Variants in KDM6B observed in about 807,000 individuals in gnomAD.
KDM6B encodes lysine demethylase 6B.
KDM6B carries 22 observed loss-of-function variants against 150.4 expected under a neutral mutation model. The ratio of observed to expected loss-of-function variants is 0.15; its 90% CI spans 0.10 to 0.21. KDM6B has a LOEUF of 0.21. Among genes scored for constraint, KDM6B ranks in the 10% least tolerant of loss-of-function variants. The pLI is 1.00. For synonymous variants in KDM6B, 1,148 were observed against 921.1 expected, an observed-to-expected ratio of 1.25 and a Z score of -4.46; for missense variants, 1,984 against 2,234.3, an observed-to-expected ratio of 0.89 and a Z score of 2.26.
Position 7,843,543 on chromosome 17 carries a change from G to C in KDM6B, c.-268-1358G>C, listed in dbSNP as rs530605587. Among the ~76,000 whole-genome samples the C allele has an allele frequency of 6.6e-6, 1 of 152,182 alleles. No individual in the cohort carries two copies. The highest frequency in any genetic ancestry group is 2.4e-5 in the African/African-American group (1 of 41,438). ...GGAAGGCTCTTTTCACCAGAAACCCGTCTGCCCTTGTGGGCTGGGTGGAAA... is the reference window on the plus strand; with the variant it reads ...GGAAGGCTCTTTTCACCAGAAACCCCTCTGCCCTTGTGGGCTGGGTGGAAA... On this transcript the variant is annotated intron_variant, in intron 2 of 23. Transcript: ENST00000448097. The surrounding 1 kb of genome is among the most constrained non-coding windows in gnomAD (Gnocchi z 4.5).
intron 1 of KDM6B, among the ~76,000 whole-genome samples, chr17:7,836,485 G>T (rs2078335289): frequency 6.6e-6 from 1 of 152,202 alleles, no homozygotes; most frequent in South Asian, 2.1e-4. Flanking sequence ...CTGGGGCACG[G>T]GGGATCCTGC....
Position 7,848,954 on chromosome 17 carries a change from T to C in KDM6B, c.2666T>C (p.Val889Ala). ...GAGCGCAGGGCGGGCGAAGAGCCAG[T>C]CCCGGGCCCCATGACCCCCACCCAA... ...ARERRAGEEP[V>A]PGPMTPTQPP... The change falls in exon 12 of 24, where the codon GTC (valine) becomes GCC (alanine). Residue 889 changes from valine to alanine, a missense_variant. Val to Ala is a moderately conservative substitution (Grantham distance 64). Around this residue, in one of 13 missense-constraint regions of KDM6B, gnomAD observed 1,379 missense variants for 1,275.6 expected, o/e 1.08. Coordinates refer to ENST00000448097, the MANE Select transcript of KDM6B (RefSeq NM_001348716.2). The C allele has an allele frequency of 6.3e-7, 1 of 1,583,988 alleles. No individual in the cohort carries two copies.
In KDM6B at chr17:7,848,994, A is replaced by T; in HGVS notation, c.2706A>T (p.Leu902=). The T allele has an allele frequency of 6.5e-7, 1 of 1,544,444 alleles. No homozygotes were observed. Among genetic ancestry groups the T allele is most frequent in the Admixed American group, 1.8e-5 (1 of 56,334 alleles). ...CCCCCACCCAACCGCCCCCACCCCT[A>T]TCTCTGCCCCCTGCTCGCTCTGAGT... ...PMTPTQPPPP[L]SLPPARSESE... The change falls in exon 12 of 24, where the codon CTA becomes CTT. Residue 902 remains leucine (L), a synonymous_variant. Transcript: ENST00000448097.
At position 7,848,632 on chromosome 17, in the gene KDM6B, G is replaced by A. The variant is rs145963593; in HGVS notation, c.2344G>A (p.Ala782Thr). Residue 782 changes from alanine (A) to threonine (T), a missense_variant, in exon 12 of 24, where the codon GCC becomes ACC. Coordinates refer to ENST00000448097, the MANE Select transcript of KDM6B (RefSeq NM_001348716.2). ...PPALPPPPPLAKFPPPSQPQP... is the reference protein window; with the variant it reads ...PPALPPPPPLTKFPPPSQPQP... ...AGCCCTACCACCACCACCGCCTCTA[G>A]CCAAGTTCCCTCCACCCTCTCAGCC... The A allele has an allele frequency of 6.3e-6, 10 of 1,598,580 alleles. 1 individual carries two copies. In the South Asian group the frequency reaches 1.1e-4, roughly 18 times the overall value.
intron 22 of KDM6B, 38 bp downstream of exon 22, chr17:7,853,164 A>C: frequency 6.2e-7 from 1 of 1,613,982 alleles, no homozygotes; most frequent in Middle Eastern, 1.7e-4. Context: ...CTGAGTGTCC[A>C]CAGTGGCCCT....
chr17:7,853,490 C>A lies in KDM6B; in HGVS notation c.4909-8C>A, dbSNP rs1031432600. The A allele has an allele frequency of 1.1e-5, 17 of 1,501,100 alleles. No homozygotes were observed. Among genetic ancestry groups the A allele is most frequent in the African/African-American group, 4.2e-5 (3 of 70,652 alleles). The allele number at this position is 1,501,100 out of a possible 1,614,324, so 93.0% of individuals were successfully genotyped here. A position where few individuals can be genotyped will look rare whatever the true frequency, so the allele number is the denominator to read the frequency against. The stretch of plus-strand genomic sequence containing the variant: ...TTCCCTGAGCCCCCGCCGGCTTTCT[C>A]CCCCCAGGCCCCAGCCAGCACGTCG... On this transcript the variant is annotated splice_region_variant and splice_polypyrimidine_tract_variant and intron_variant, in intron 23 of 23. Transcript: ENST00000448097.
chr17:7,853,481 C>A lies in KDM6B; in HGVS notation c.4909-17C>A. Reference sequence around the variant, plus strand: ...GCCGCGCCTTTCCCTGAGCCCCCGCCGGCTTTCTCCCCCCAGGCCCCAGCC... The same window carrying A: ...GCCGCGCCTTTCCCTGAGCCCCCGCAGGCTTTCTCCCCCCAGGCCCCAGCC... On this transcript the variant is annotated splice_polypyrimidine_tract_variant and intron_variant, in intron 23 of 23. Transcript: ENST00000448097. 1 of 1,503,614 alleles carries A rather than the reference C, an allele frequency of 6.7e-7. No homozygotes were observed. Among genetic ancestry groups the A allele is most frequent in the South Asian group, 1.3e-5 (1 of 79,454 alleles). 93.1% of individuals were successfully genotyped at this position (1,503,614 alleles called of 1,614,324 possible). A position where few individuals can be genotyped will look rare whatever the true frequency, so the allele number is the denominator to read the frequency against.
intron 14 of KDM6B, among the ~76,000 whole-genome samples, chr17:7,850,440 C>T (rs1427702060): frequency 1.3e-5 from 2 of 152,104 alleles, no homozygotes; most frequent in Non-Finnish European, 2.9e-5. Flanking sequence ...TTTAGAAAAC[C>T]CCTGAAAATC....
chr17:7,838,107 C>G (rs912234568), intron 1 of KDM6B, among the ~76,000 whole-genome samples: 1 of 150,164 alleles, frequency 6.7e-6, no homozygotes, highest in Non-Finnish European at 1.5e-5. Context: ...CCCCAGCCCC[C>G]TCCCGTGTTG....
At position 7,848,200 on chromosome 17, in the gene KDM6B, C is replaced by T; in HGVS notation, c.1912C>T (p.Pro638Ser). The change falls in exon 12 of 24, where the codon CCC becomes TCC. Residue 638 changes from proline (P) to serine (S), a missense_variant. By Grantham distance (74) the Pro-to-Ser change is moderately conservative (BLOSUM62 -1). This residue lies in a region of KDM6B where 1,379 missense variants were observed against 1,275.6 expected (regional missense o/e 1.08). Coordinates refer to ENST00000448097, the MANE Select transcript of KDM6B (RefSeq NM_001348716.2). ...PRPRVSFPKT[P>S]EVGPGPPPGP... ...GCCCAGGGTCTCCTTCCCAAAGACC[C>T]CCGAGGTGGGGCCGGGGCCACCCCC... The T allele has an allele frequency of 6.2e-7, 1 of 1,611,746 alleles. No homozygotes were observed. Among genetic ancestry groups the T allele is most frequent in the East Asian group, 2.2e-5 (1 of 44,816 alleles).
rs1249106069 is a variant in KDM6B at position 7,853,627 on chromosome 17, G to A, written c.*106G>A. 3 of 825,808 alleles carry A rather than the reference G, an allele frequency of 3.6e-6. No individual in the cohort carries two copies. Among genetic ancestry groups the A allele is most frequent in the African/African-American group, 1.8e-5 (1 of 54,702 alleles). The allele number at this position is 825,808 out of a possible 1,614,324, so 51.2% of individuals were successfully genotyped here. A position where few individuals can be genotyped will look rare whatever the true frequency, so the allele number is the denominator to read the frequency against. On this transcript the variant is annotated 3_prime_UTR_variant, in exon 24 of 24. Coordinates refer to ENST00000448097, the MANE Select transcript of KDM6B (RefSeq NM_001348716.2). ...CGCCTGTGGCCGAGAAGGGGGTCGG[G>A]CCCAGCCCTTCCACCCCATTGGCAG... is the stretch of plus-strand genomic sequence containing the variant.
At chr17:7,834,621 C>T (rs2078293702) in intron 1 of KDM6B, among the ~76,000 whole-genome samples, 1 of 133,618 alleles carries the variant, frequency 7.5e-6, no homozygotes, top group Non-Finnish European at 1.7e-5. Context: ...GATTCCCCTT[C>T]CCGACTCCAG....
intron 1 of KDM6B, among the ~76,000 whole-genome samples, chr17:7,834,651 C>T (rs867143917): frequency 7.1e-6 from 1 of 140,536 alleles, no homozygotes; most frequent in African/African-American, 2.5e-5. Flanking sequence ...GGGCGGGGCG[C>T]GGCGGTCCTT....
Position 7,849,044 on chromosome 17 carries a change from G to A in KDM6B, c.2756G>A (p.Arg919Gln), listed in dbSNP as rs750620032. Reference protein sequence around the residue: ...SESEVLEEISRACETLVERVG... With the variant: ...SESEVLEEISQACETLVERVG... Reference sequence around the variant, plus strand: ...TCTGAGGTGCTAGAAGAGATCAGCCGGGCTTGCGAGACCCTTGTGGAGCGG... The same window carrying A: ...TCTGAGGTGCTAGAAGAGATCAGCCAGGCTTGCGAGACCCTTGTGGAGCGG... The change falls in exon 12 of 24, where the codon CGG (arginine) becomes CAG (glutamine). Residue 919 changes from arginine (R) to glutamine (Q), a missense_variant. By Grantham distance (43) the Arg-to-Gln change is conservative. Around this residue, in one of 13 missense-constraint regions of KDM6B, gnomAD observed 1,379 missense variants for 1,275.6 expected, o/e 1.08. Coordinates refer to ENST00000448097, the MANE Select transcript of KDM6B (RefSeq NM_001348716.2). The A allele has an allele frequency of 1.9e-5, 29 of 1,521,060 alleles. No individual in the cohort carries two copies. The highest frequency in any genetic ancestry group is 3.5e-5 in the Admixed American group (2 of 56,564). The allele number at this position is 1,521,060 out of a possible 1,614,324, so 94.2% of individuals were successfully genotyped here. A position where few individuals can be genotyped will look rare whatever the true frequency, so the allele number is the denominator to read the frequency against.
rs756445207 is a variant in KDM6B at position 7,849,605 on chromosome 17, G to A, written c.3317G>A (p.Arg1106Gln). Residue 1106 changes from arginine (R) to glutamine (Q), a missense_variant, in exon 12 of 24, where the codon CGG (arginine) becomes CAG (glutamine). Physicochemically the swap from Arg to Gln is conservative, Grantham distance 43. Coordinates refer to ENST00000448097, the MANE Select transcript of KDM6B (RefSeq NM_001348716.2). ...GGGCCCCCCAAGGAGCTGAAGATCC[G>A]GCTCATCAAGGTAGAGAGTGGTGAC... ...SEGPPKELKI[R>Q]LIKVESGDKE... 6.2e-6 allele frequency: 10 copies of A among 1,612,242 alleles called. No individual in the cohort carries two copies. The highest frequency in any genetic ancestry group is 2.2e-5 in the East Asian group (1 of 44,884).
chr17:7,851,937 G>T lies in KDM6B; in HGVS notation c.4166-14G>T, dbSNP rs373904350. 9 of 1,612,710 alleles carry T rather than the reference G, an allele frequency of 5.6e-6. No homozygotes were observed. Among genetic ancestry groups the T allele is most frequent in the African/African-American group, 5.3e-5 (4 of 74,910 alleles). On this transcript the variant is annotated splice_polypyrimidine_tract_variant and intron_variant, in intron 18 of 23. Coordinates refer to ENST00000448097, the MANE Select transcript of KDM6B (RefSeq NM_001348716.2). ...GACCTGGCCAGCCATGCCGTTCTCTGTCGACCCCTGCAGGCCACCAGGAGA... is the reference window on the plus strand; with the variant it reads ...GACCTGGCCAGCCATGCCGTTCTCTTTCGACCCCTGCAGGCCACCAGGAGA...
At chr17:7,852,773 C>A in intron 21 of KDM6B, 137 bp downstream of exon 21, 1 of 1,344,910 alleles carries the variant, frequency 7.4e-7, no homozygotes, top group Non-Finnish European at 1.1e-6. Flanking sequence ...GTTGGGGAGG[C>A]TAACTAGGTC....
chr17:7,845,060 G>A (rs921043820), intron 3 of KDM6B, 40 bp downstream of exon 3: 9 of 227,340 alleles, frequency 4.0e-5, no homozygotes, highest in East Asian at 3.3e-4. Context: ...CAGTGGCTCC[G>A]GACTGGAAGC....
At chr17:7,841,270 A>C (rs915203209) in intron 2 of KDM6B, among the ~76,000 whole-genome samples, 1 of 152,212 alleles carries the variant, frequency 6.6e-6, no homozygotes, top group Non-Finnish European at 1.5e-5. Flanking sequence ...GAGGATAAGC[A>C]GGGATGTCGA....
Sources: allele counts gnomAD v4.1 joint callset (sites outside exome capture counted in the v4.1 genomes callset), GRCh38; gene constraint gnomAD v4.1.1; regional missense constraint gnomAD v4.1.1; non-coding constraint Gnocchi (gnomAD v3.1); transcripts MANE v1.5; gene names NCBI Gene and HGNC (gene_info 2026-07-23, HGNC 2026-07-21).